The following MAGI2 variants were observed in gnomAD, a reference collection of about 807,000 sequenced individuals.
MAGI2 encodes the protein membrane associated guanylate kinase, WW and PDZ domain containing 2.
A neutral mutation model predicts 133.3 loss-of-function variants in MAGI2; 35 were observed. The ratio of observed to expected loss-of-function variants is 0.26; its 90% CI spans 0.20 to 0.35. The LOEUF (loss-of-function observed/expected upper bound fraction) is 0.35. MAGI2 is among the 10% of genes least tolerant of loss of function. The pLI, the probability that MAGI2 is intolerant of heterozygous loss-of-function variation, is 1.00. For missense variants in MAGI2, 1,636 were observed against 1,863.4 expected, an observed-to-expected ratio of 0.88 and a Z score of 2.25; for synonymous variants, 729 against 710.6, an observed-to-expected ratio of 1.03 and a Z score of -0.41.
At chr7:79,041,368 G>A (rs1284522674) in intron 1 of MAGI2, among the ~76,000 whole-genome samples, 2 of 152,068 alleles carry the variant, frequency 1.3e-5, no homozygotes, top group African/African-American at 2.4e-5. Flanking sequence ...GAAAAACAAG[G>A]CAACTGTTGA....
chr7:78,023,226 G>A (rs1038594976), intron 21 of MAGI2, among the ~76,000 whole-genome samples: 12 of 152,208 alleles, frequency 7.9e-5, no homozygotes, highest in African/African-American at 2.9e-4. Context: ...TGCTGGACAG[G>A]AAGAGCCCTT....
At position 78,687,349 on chromosome 7, in the gene MAGI2, A is replaced by C. The variant is rs1256174884; in HGVS notation, c.419-60110T>G. 4.6e-5 allele frequency among the ~76,000 whole-genome samples: 7 copies of C among 152,334 alleles called. No homozygotes were observed. In the South Asian group the frequency reaches 1.0e-3, roughly 23 times the overall value. On this transcript the variant is annotated intron_variant, in intron 2 of 21. Transcript: ENST00000354212. ...CCCTGTTAAGGAGCTAAATATAGTC[A>C]CATAGAGATAAACTGTATTTTAAAA...
chr7:78,271,978 T>C (rs905667438), intron 9 of MAGI2, among the ~76,000 whole-genome samples: 4 of 152,238 alleles, frequency 2.6e-5, no homozygotes, highest in African/African-American at 9.6e-5. Context: ...TTTTTTGTCT[T>C]CTGCTCACTT....
At chr7:79,452,906 C>T (rs1849387601) in intron 1 of MAGI2, 114 bp downstream of exon 1, 9 of 1,208,048 alleles carry the variant, frequency 7.5e-6, no homozygotes, top group Non-Finnish European at 1.0e-5. Flanking sequence ...CTCTGGCCCC[C>T]ACCCCATCAT....
chr7:78,238,432 G>T (rs1790779467), intron 10 of MAGI2, among the ~76,000 whole-genome samples: 1 of 151,936 alleles, frequency 6.6e-6, no homozygotes. Flanking sequence ...TGGGTGTGGT[G>T]GTACATGCCC....
At chr7:78,544,739 G>C (rs1798679650) in intron 3 of MAGI2, among the ~76,000 whole-genome samples, 1 of 151,980 alleles carries the variant, frequency 6.6e-6, no homozygotes, top group South Asian at 2.1e-4. Context: ...AGTTTGAGGA[G>C]TATAATCTGT....
intron 1 of MAGI2, among the ~76,000 whole-genome samples, chr7:79,304,825 A>G (rs1261246141): frequency 1.3e-5 from 2 of 152,160 alleles, no homozygotes; most frequent in Non-Finnish European, 2.9e-5. Context: ...TCCACATGAT[A>G]TGGAAAAGGA....
chr7:79,371,946 G>C (rs1213312102), intron 1 of MAGI2, among the ~76,000 whole-genome samples: 1 of 150,606 alleles, frequency 6.6e-6, no homozygotes, highest in Non-Finnish European at 1.5e-5. Context: ...ACTCTTTGAA[G>C]AGCATTATAC....
intron 2 of MAGI2, among the ~76,000 whole-genome samples, chr7:78,667,721 C>A (rs1395247418): frequency 6.6e-6 from 1 of 151,966 alleles, no homozygotes; most frequent in East Asian, 1.9e-4. Context: ...GACATGAACT[C>A]ATCATTTTTT....
At chr7:78,057,920 G>C (rs1198652363) in intron 21 of MAGI2, among the ~76,000 whole-genome samples, 1 of 141,870 alleles carries the variant, frequency 7.0e-6, no homozygotes, top group Non-Finnish European at 1.5e-5. Flanking sequence ...CAACTGAACA[G>C]ATGTATTTTA....
intron 9 of MAGI2, among the ~76,000 whole-genome samples, chr7:78,297,188 A>G (rs1197668632): frequency 6.6e-6 from 1 of 152,214 alleles, no homozygotes; most frequent in Non-Finnish European, 1.5e-5. Flanking sequence ...GGGAGGACAA[A>G]GAGCAACTTT....
chr7:78,166,066 G>A (rs1385378758), intron 15 of MAGI2, among the ~76,000 whole-genome samples: 1 of 152,194 alleles, frequency 6.6e-6, no homozygotes, highest in Admixed American at 6.5e-5. Flanking sequence ...CACTTGAAAT[G>A]CACTCAAAAG....
At chr7:78,303,361 A>G (rs1330073452) in intron 9 of MAGI2, among the ~76,000 whole-genome samples, 1 of 145,894 alleles carries the variant, frequency 6.9e-6, no homozygotes, top group Admixed American at 7.0e-5. Flanking sequence ...CCTGGGCAAC[A>G]AGAGCAAAAC....
chr7:79,038,363 G>A (rs1275094289), intron 1 of MAGI2, among the ~76,000 whole-genome samples: 5 of 151,842 alleles, frequency 3.3e-5, no homozygotes, highest in African/African-American at 7.3e-5. Context: ...ATGAGCTCAT[G>A]GATTACAAAA....
At chr7:78,227,870 G>GTGTGTGTGTC (rs1362410240) in intron 10 of MAGI2, among the ~76,000 whole-genome samples, 1 of 151,924 alleles carries the variant, frequency 6.6e-6, no homozygotes, top group Non-Finnish European at 1.5e-5. Flanking sequence ...GTGTGTGTGT[G>GTGTGTGTGTC]TGTGTGTGTG....
At position 78,875,843 on chromosome 7, in the gene MAGI2, G is replaced by A. The variant is rs1048513075; in HGVS notation, c.418+131247C>T. On this transcript the variant is annotated intron_variant, in intron 2 of 21. Transcript: ENST00000354212. ...ATGTTTAAAAATATGATCTCAATGAGTAAACAGATAGGAAATAACAGAAAT... is the reference window on the plus strand; with the variant it reads ...ATGTTTAAAAATATGATCTCAATGAATAAACAGATAGGAAATAACAGAAAT... Among the ~76,000 whole-genome samples the A allele has an allele frequency of 9.9e-5, 15 of 152,102 alleles. No individual in the cohort carries two copies. The South Asian group carries it at 2.3e-3, about 23-fold the overall frequency.
intron 1 of MAGI2, among the ~76,000 whole-genome samples, chr7:79,056,050 A>C (rs1198157128): frequency 1.3e-5 from 2 of 152,230 alleles, no homozygotes; most frequent in Non-Finnish European, 2.9e-5. Flanking sequence ...CTCATAAATA[A>C]GTTTTAAAGA....
In MAGI2 at chr7:78,032,108, T is replaced by C. The variant is rs1188014951; in HGVS notation, c.3707-12132A>G. On this transcript the variant is annotated intron_variant, in intron 21 of 21. Coordinates refer to ENST00000354212, the MANE Select transcript of MAGI2 (RefSeq NM_012301.4). ...TGCCTGGAGCTGTCCAATTGTGTTA[T>C]TGTATTTCAGCAAGGATATCCTTGC... Among the ~76,000 whole-genome samples the C allele has an allele frequency of 3.3e-5, 5 of 151,986 alleles. No homozygotes were observed. In the East Asian group the frequency reaches 5.8e-4, roughly 18 times the overall value.
chr7:78,384,574 G>A (rs967878313), intron 6 of MAGI2, among the ~76,000 whole-genome samples: 2 of 152,124 alleles, frequency 1.3e-5, no homozygotes, highest in Non-Finnish European at 2.9e-5. Context: ...TTTATCAATT[G>A]AATGTTTTGG....
Sources: allele counts gnomAD v4.1 joint callset (sites outside exome capture counted in the v4.1 genomes callset), GRCh38; gene constraint gnomAD v4.1.1; transcripts MANE v1.5; gene names NCBI Gene and HGNC (gene_info 2026-07-23, HGNC 2026-07-21).